LDLRAD4: variants seen among roughly 807,000 people sequenced by gnomAD.
LDLRAD4 encodes low-density lipoprotein receptor class A domain-containing protein 4.
LDLRAD4 carries 5 observed loss-of-function variants against 17.0 expected under a neutral mutation model. The observed-to-expected ratio is 0.29, with a 90% CI of 0.15 to 0.62. The LOEUF (loss-of-function observed/expected upper bound fraction) is 0.62, where lower values mean the gene tolerates loss of function less well. Among genes scored for constraint, LDLRAD4 ranks in the 20% least tolerant of loss-of-function variants. The probability of loss-of-function intolerance (pLI) is 0.84; values close to 1 mark genes in which losing one functional copy is unlikely to be tolerated. For synonymous variants in LDLRAD4, 168 were observed against 171.8 expected (o/e 0.98, Z 0.17); for missense variants, 340 against 424.7 (o/e 0.80, Z 1.75).
At chr18:13,545,332 G>C (rs1360633518) in intron 3 of LDLRAD4, among the ~76,000 whole-genome samples, 7 of 152,168 alleles carry the variant, frequency 4.6e-5, no homozygotes, top group Non-Finnish European at 1.0e-4. Context: ...GGGACTCCTC[G>C]GGGACTCTGA....
intron 3 of LDLRAD4, among the ~76,000 whole-genome samples, chr18:13,450,419 A>G (rs567524069): frequency 1.4e-5 from 2 of 146,636 alleles, no homozygotes; most frequent in African/African-American, 5.0e-5. Flanking sequence ...TTATGTCTGG[A>G]CAGGGGGCTG....
intron 1 of LDLRAD4, among the ~76,000 whole-genome samples, chr18:13,347,474 A>G (rs555381995): frequency 6.6e-6 from 1 of 152,172 alleles, no homozygotes; most frequent in Non-Finnish European, 1.5e-5. Flanking sequence ...TTTGTGGGTA[A>G]CCCAACCTTT....
At chr18:13,419,177 C>A (rs2089217143) in intron 2 of LDLRAD4, among the ~76,000 whole-genome samples, 1 of 152,190 alleles carries the variant, frequency 6.6e-6, no homozygotes, top group Non-Finnish European at 1.5e-5. Flanking sequence ...GGCATCTATG[C>A]AGTTGGGGAT....
intron 2 of LDLRAD4, among the ~76,000 whole-genome samples, chr18:13,393,177 G>GC (rs1165944676): frequency 1.3e-5 from 2 of 152,162 alleles, no homozygotes; most frequent in African/African-American, 2.4e-5. Flanking sequence ...GATGCCCTCA[G>GC]CCCCCGCCTT....
At chr18:13,319,452 C>T (rs1187029617) in intron 1 of LDLRAD4, among the ~76,000 whole-genome samples, 3 of 152,150 alleles carry the variant, frequency 2.0e-5, no homozygotes, top group Non-Finnish European at 4.4e-5. Context: ...AGTTGGAGTT[C>T]TAGAGGTGGG....
At chr18:13,592,134 G>T (rs1368644346) in intron 3 of LDLRAD4, among the ~76,000 whole-genome samples, 1 of 152,164 alleles carries the variant, frequency 6.6e-6, no homozygotes, top group African/African-American at 2.4e-5. Flanking sequence ...ATTGAGTTTT[G>T]TGGAAGAAGG....
At chr18:13,280,391 T>C (rs1349777069) in intron 1 of LDLRAD4, among the ~76,000 whole-genome samples, 1 of 152,240 alleles carries the variant, frequency 6.6e-6, no homozygotes, top group Non-Finnish European at 1.5e-5. Flanking sequence ...AATTCAGCAT[T>C]CCATGCACAG....
chr18:13,320,887 C>T (rs1388441242), intron 1 of LDLRAD4, among the ~76,000 whole-genome samples: 4 of 152,162 alleles, frequency 2.6e-5, no homozygotes, highest in Non-Finnish European at 5.9e-5. Context: ...TCATTCCCTC[C>T]CAGTGGGACC....
intron 1 of LDLRAD4, among the ~76,000 whole-genome samples, chr18:13,385,230 C>A (rs1267426038): frequency 2.0e-5 from 3 of 152,142 alleles, no homozygotes; most frequent in Non-Finnish European, 4.4e-5. Flanking sequence ...ATCCCAGATG[C>A]TTAGAGATGT....
At chr18:13,526,701 C>T (rs987987456) in intron 3 of LDLRAD4, 2 of 152,236 alleles carry the variant, frequency 1.3e-5, no homozygotes, top group African/African-American at 4.8e-5. Flanking sequence ...TGCCATGTGT[C>T]ATCGTTTCAT....
At chr18:13,565,186 G>C (rs1211861111) in intron 3 of LDLRAD4, among the ~76,000 whole-genome samples, 1 of 152,244 alleles carries the variant, frequency 6.6e-6, no homozygotes, top group East Asian at 1.9e-4. Context: ...CCTCAGAGGG[G>C]TTTTGTAAAA....
chr18:13,420,616 G>T (rs2089353657), intron 2 of LDLRAD4: 2 of 152,200 alleles, frequency 1.3e-5, no homozygotes, highest in Admixed American at 6.5e-5. Flanking sequence ...TGGAATCAGG[G>T]TTTAAACTGG....
chr18:13,506,971 C>G (rs763811521), intron 3 of LDLRAD4, among the ~76,000 whole-genome samples: 1 of 152,114 alleles, frequency 6.6e-6, no homozygotes, highest in Non-Finnish European at 1.5e-5. Flanking sequence ...TCACAGATAC[C>G]GTGTTTTTTA....
chr18:13,404,087 C>T (rs936091240), intron 2 of LDLRAD4, among the ~76,000 whole-genome samples: 8 of 152,360 alleles, frequency 5.3e-5, no homozygotes, highest in African/African-American at 9.6e-5. Context: ...ACTTCCATCT[C>T]TCCCTCCAGG....
intron 3 of LDLRAD4, among the ~76,000 whole-genome samples, chr18:13,494,137 G>T (rs2093413507): frequency 1.3e-5 from 2 of 152,198 alleles, no homozygotes; most frequent in African/African-American, 4.8e-5. Flanking sequence ...GCTCTGCTGA[G>T]AGGAGGCATC....
At chr18:13,243,712 A>C (rs1598861062) in intron 1 of LDLRAD4, among the ~76,000 whole-genome samples, 2 of 134,132 alleles carry the variant, frequency 1.5e-5, no homozygotes, top group African/African-American at 2.8e-5. Flanking sequence ...CTACCCATCC[A>C]CCCATCCACC....
chr18:13,528,321 T>C (rs1376374641), intron 3 of LDLRAD4, among the ~76,000 whole-genome samples: 2 of 152,298 alleles, frequency 1.3e-5, no homozygotes, highest in South Asian at 2.1e-4. Context: ...ATTATTACTA[T>C]TATTATTTTG....
intron 1 of LDLRAD4, among the ~76,000 whole-genome samples, chr18:13,321,734 G>A (rs1209751029): frequency 6.6e-6 from 1 of 151,708 alleles, no homozygotes; most frequent in Non-Finnish European, 1.5e-5. Context: ...GGTGATGTGT[G>A]CCTGTAATTT....
At chr18:13,634,807 T>A (rs2041949258) in intron 4 of LDLRAD4, among the ~76,000 whole-genome samples, 1 of 149,234 alleles carries the variant, frequency 6.7e-6, no homozygotes, top group Admixed American at 6.7e-5. Flanking sequence ...AAGTTAAAGG[T>A]CTCACAATTC....
Sources: gnomAD v4.1 joint callset for allele counts (sites outside exome capture counted in the v4.1 genomes callset) on GRCh38, gnomAD v4.1.1 for gene constraint, MANE v1.5 for transcripts, NCBI Gene and HGNC (gene_info 2026-07-23, HGNC 2026-07-21) for gene names.